Variants in SMARCA5 observed in about 807,000 individuals in gnomAD.
SMARCA5 encodes SNF2 related chromatin remodeling ATPase 5, also known as SWI/SNF-related matrix-associated actin-dependent regulator of chromatin subfamily A member 5.
SMARCA5 carries 18 observed loss-of-function variants against 140.4 expected under a neutral mutation model. The ratio of observed to expected loss-of-function variants is 0.13; its 90% CI spans 0.09 to 0.19. The LOEUF is 0.19. Ranked by LOEUF, SMARCA5 falls within the 10% of genes least tolerant of loss-of-function variation. The pLI is 1.00. For synonymous variants in SMARCA5, 449 were observed against 419.6 expected, an observed-to-expected ratio of 1.07 and a Z score of -0.86; for missense variants, 606 against 1,276.8, an observed-to-expected ratio of 0.47 and a Z score of 8.01.
intron 3 of SMARCA5, among the ~76,000 whole-genome samples, chr4:143,521,893 C>CAAA (rs58679947): frequency 0.02 from 878 of 42,934 alleles, 31 homozygotes; most frequent in African/African-American, 0.049. Flanking sequence ...CCCATCTCTA[C>CAAA]AAAAAAAAAA....
rs963649885 is a variant in SMARCA5, at chr4:143,535,695, T to C, written c.1268+731T>C. Among the ~76,000 whole-genome samples the C allele has an allele frequency of 5.8e-4, 89 of 152,268 alleles. 1 individual carries two copies. Among genetic ancestry groups the C allele is most frequent in the African/African-American group, 2.1e-3 (86 of 41,578 alleles). ...TTTTTAGTTAAACATTTGAGTGAAC[T>C]TTATATCAGAATTGAGATGGAAAGG... On this transcript the variant is annotated intron_variant, in intron 10 of 23. Coordinates refer to ENST00000283131, the MANE Select transcript of SMARCA5 (RefSeq NM_003601.4).
At chr4:143,517,461 AG>A (rs749315437) in intron 2 of SMARCA5, 32 bp downstream of exon 2, 38 of 1,434,088 alleles carry the variant, frequency 2.6e-5, no homozygotes, top group Non-Finnish European at 3.5e-5. Flanking sequence ...AGAGTCTATA[AG>A]GAAAACTTTT....
chr4:143,537,247 C>G (rs1412908118), intron 11 of SMARCA5, among the ~76,000 whole-genome samples: 1 of 152,102 alleles, frequency 6.6e-6, no homozygotes, highest in Non-Finnish European at 1.5e-5. Context: ...TCTGCTATAC[C>G]CTTCCTCCTC....
intron 15 of SMARCA5, 58 bp from the exon 16 acceptor site, chr4:143,543,795 T>C: frequency 1.3e-6 from 2 of 1,563,050 alleles, no homozygotes; most frequent in African/African-American, 1.4e-5. Context: ...TTATTTTGAC[T>C]GCAGTTTTCA....
intron 17 of SMARCA5, 74 bp from the exon 18 acceptor site, chr4:143,545,396 G>A (rs1024806864): frequency 1.2e-5 from 11 of 887,124 alleles, no homozygotes; most frequent in Non-Finnish European, 1.9e-5. Context: ...TGTGGTTTAT[G>A]AAGTGAGGAC....
chr4:143,516,205 ATTTTTTTTTTTTT>A (rs60061501), intron 1 of SMARCA5, among the ~76,000 whole-genome samples: 1 of 124,414 alleles, frequency 8.0e-6, no homozygotes, highest in African/African-American at 3.0e-5. Context: ...GCATTCATGA[ATTTTTTTTTTTTT>A]TTTTTTTTGG....
chr4:143,546,105 G>A (rs1020548513), intron 19 of SMARCA5, 58 bp downstream of exon 19: 1 of 1,307,260 alleles, frequency 7.6e-7, no homozygotes. Flanking sequence ...GACTGTGTTA[G>A]GTTATGTTGG....
chr4:143,540,240 TA>T, intron 13 of SMARCA5, 122 bp from the exon 14 acceptor site: 2 of 658,488 alleles, frequency 3.0e-6, no homozygotes, highest in Non-Finnish European at 4.9e-6. Context: ...GATGCAGTGT[TA>T]TTACAAATTT....
intron 10 of SMARCA5, 25 bp from the exon 11 acceptor site, chr4:143,536,426 TA>T (rs1560818219): frequency 6.6e-7 from 1 of 1,518,952 alleles, no homozygotes; most frequent in Non-Finnish European, 9.1e-7. Context: ...ATTTGAGCTC[TA>T]AAAATGTTTT....
rs1036310373 is a variant in SMARCA5 at position 143,556,573 on chromosome 4, A to G, written c.*3389A>G. The G allele has an allele frequency of 1.1e-4, 17 of 152,212 alleles. No individual in the cohort carries two copies. Among genetic ancestry groups the G allele is most frequent in the Non-Finnish European group, 2.2e-4 (15 of 68,044 alleles). The allele number at this position is 152,212 out of a possible 1,614,324, so 9.4% of individuals were successfully genotyped here. ...TGAACTCATAAATCCAAATGAATGG[A>G]ATGCTAGAAGACATGTATTAACGGA... is the stretch of plus-strand genomic sequence containing the variant. On this transcript the variant is annotated 3_prime_UTR_variant, in exon 24 of 24. Coordinates refer to ENST00000283131, the MANE Select transcript of SMARCA5 (RefSeq NM_003601.4).
At chr4:143,540,687 T>C (rs946902913) in intron 14 of SMARCA5, among the ~76,000 whole-genome samples, 192 bp downstream of exon 14, 14 of 152,184 alleles carry the variant, frequency 9.2e-5, no homozygotes, top group African/African-American at 3.4e-4. Flanking sequence ...CTCAGGACAG[T>C]TGAGGTTTGA....
Position 143,541,056 on chromosome 4 carries a change from G to T in SMARCA5, c.1903+561G>T, listed in dbSNP as rs1737415910. On this transcript the variant is annotated intron_variant, in intron 14 of 23. Coordinates refer to ENST00000283131, the MANE Select transcript of SMARCA5 (RefSeq NM_003601.4). ...AAGAGTTTACAATTTAGTTGGGAGG[G>T]AGAGATGAAGTAAACAAGGGTATAA... Among the ~76,000 whole-genome samples, 4 of 152,262 alleles carry T rather than the reference G, an allele frequency of 2.6e-5. No homozygotes were observed. In the South Asian group the frequency reaches 8.3e-4, roughly 32 times the overall value.
In SMARCA5 at chr4:143,524,383, A is replaced by G. The variant is rs113803949; in HGVS notation, c.436A>G (p.Thr146Ala). The stretch of plus-strand genomic sequence containing the variant: ...TCTTAACAGTTACCGACACCGTAGA[A>G]CAGAGCAAGAGGAGGATGAAGAGCT... ...LSVGDYRHRR[T>A]EQEEDEELLT... The change falls in exon 4 of 24, where the codon ACA becomes GCA. Residue 146 changes from threonine to alanine, a missense_variant. Physicochemically the swap from Thr to Ala is moderately conservative, Grantham distance 58 (BLOSUM62 0). Transcript: ENST00000283131. 1 of 1,611,978 alleles carries G rather than the reference A, an allele frequency of 6.2e-7. No individual in the cohort carries two copies. The highest frequency in any genetic ancestry group is 2.2e-5 in the East Asian group (1 of 44,782).
intron 19 of SMARCA5, among the ~76,000 whole-genome samples, chr4:143,546,482 T>C (rs1737528747): frequency 6.6e-6 from 1 of 152,156 alleles, no homozygotes; most frequent in Non-Finnish European, 1.5e-5. Context: ...TTGCCCTTTA[T>C]GTTATTCACT....
rs201164810 is a variant in SMARCA5 at position 143,551,926 on chromosome 4, A to AT, written c.3094-1184dup. Among the ~76,000 whole-genome samples the AT allele has an allele frequency of 6.6e-4, 100 of 150,534 alleles. No individual in the cohort carries two copies. In the East Asian group the frequency reaches 0.011, roughly 17 times the overall value. On this transcript the variant is annotated intron_variant, in intron 23 of 23. Transcript: ENST00000283131. ...TCTGTGGGTCCATATAAATTTTAGT[A>AT]TTTTTTTTTCTATTTCAGTGAAGAA...
intron 6 of SMARCA5, 150 bp from the exon 7 acceptor site, chr4:143,527,718 A>G: frequency 1.8e-6 from 1 of 554,762 alleles, no homozygotes; most frequent in Middle Eastern, 4.8e-4. Context: ...GTCTTAGGAA[A>G]GCTGGTTCTA....
chr4:143,538,994 A>G, intron 13 of SMARCA5, 56 bp downstream of exon 13: 4 of 1,452,628 alleles, frequency 2.8e-6, no homozygotes, highest in Non-Finnish European at 3.8e-6. Context: ...TAGTTAGGAC[A>G]GGCTAATTCT....
At chr4:143,547,824 C>T (rs1737562958) in intron 21 of SMARCA5, 104 bp from the exon 22 acceptor site, 2 of 672,406 alleles carry the variant, frequency 3.0e-6, no homozygotes, top group South Asian at 5.1e-5. Flanking sequence ...ATAGAAAATT[C>T]TGATTTGAAA....
chr4:143,518,713 T>C (rs577437831), intron 2 of SMARCA5, among the ~76,000 whole-genome samples: 32 of 152,230 alleles, frequency 2.1e-4, no homozygotes, highest in Non-Finnish European at 3.7e-4. Flanking sequence ...GTTTGATTTG[T>C]TATATATTTT....
Sources: allele counts gnomAD v4.1 joint callset (sites outside exome capture counted in the v4.1 genomes callset), GRCh38; gene constraint gnomAD v4.1.1; transcripts MANE v1.5; gene names NCBI Gene and HGNC (gene_info 2026-07-23, HGNC 2026-07-21).